The following METTL8 variants were observed in gnomAD, a reference collection of about 807,000 sequenced individuals.
METTL8 encodes tRNA N(3)-cytidine methyltransferase METTL8, mitochondrial.
In METTL8, 32 loss-of-function variants were observed where a neutral mutation model predicts 48.7. The observed-to-expected ratio is 0.66, with a 90% CI of 0.50 to 0.88. The LOEUF (loss-of-function observed/expected upper bound fraction) is 0.88. Among genes scored for constraint, METTL8 ranks in the 40% least tolerant of loss-of-function variants. The probability of loss-of-function intolerance (pLI) is 0.00; values close to 1 mark genes in which losing one functional copy is unlikely to be tolerated. For synonymous variants in METTL8, 136 were observed against 157.1 expected (o/e 0.87, Z 1.01); for missense variants, 464 against 474.4 (o/e 0.98, Z 0.20).
intron 2 of METTL8, among the ~76,000 whole-genome samples, chr2:171,386,665 T>C (rs1044726967): frequency 3.3e-5 from 5 of 151,844 alleles, no homozygotes; most frequent in African/African-American, 1.2e-4. Flanking sequence ...TCCCTTTAAA[T>C]GATACAGAAG....
At chr2:171,330,105 G>A (rs534339837) in intron 7 of METTL8, among the ~76,000 whole-genome samples, 6 of 152,300 alleles carry the variant, frequency 3.9e-5, no homozygotes, top group African/African-American at 1.4e-4. Context: ...TCCCTAGTGT[G>A]CTTCTTTAGA....
chr2:171,361,325 T>C (rs978480592), intron 2 of METTL8, among the ~76,000 whole-genome samples: 3 of 151,896 alleles, frequency 2.0e-5, no homozygotes, highest in African/African-American at 7.3e-5. Flanking sequence ...TAATTTTTTA[T>C]CACTAAACAA....
rs542771667 is a variant in METTL8 at position 171,352,883 on chromosome 2, C to T, written c.235+7539G>A. On this transcript the variant is annotated intron_variant, in intron 3 of 9. Transcript: ENST00000375258. ...TTTTCTTCTTTATTAGTCTTGCTAG[C>T]GGTCTATCAATTTTGTTGATCTTTT... Among the ~76,000 whole-genome samples, 45 of 152,086 alleles carry T rather than the reference C, an allele frequency of 3.0e-4. No homozygotes were observed. In the East Asian group the frequency reaches 4.1e-3, roughly 14 times the overall value.
intron 1 of METTL8, among the ~76,000 whole-genome samples, chr2:171,432,700 G>A (rs1003714747): frequency 6.6e-6 from 1 of 152,134 alleles, no homozygotes; most frequent in African/African-American, 2.4e-5. Flanking sequence ...AAATTCAGCA[G>A]GGTTAAAAAG....
In METTL8 at chr2:171,417,869, C is replaced by A. The variant is rs1416737474; in HGVS notation, c.-13+16014G>T. Among the ~76,000 whole-genome samples, 3 of 152,018 alleles carry A rather than the reference C, an allele frequency of 2.0e-5. No individual in the cohort carries two copies. The East Asian group carries it at 5.8e-4, about 29-fold the overall frequency. ...ACATTATTATAAACTTAAGTCCATA[C>A]TTTATTCAATTTCCTTAATTTTTAT... On this transcript the variant is annotated intron_variant, in intron 1 of 9. Coordinates refer to ENST00000375258, the MANE Select transcript of METTL8 (RefSeq NM_001321154.2).
chr2:171,369,843 G>T (rs549783409), intron 2 of METTL8, among the ~76,000 whole-genome samples: 1 of 151,946 alleles, frequency 6.6e-6, no homozygotes, highest in African/African-American at 2.4e-5. Context: ...CAAGGCGGGC[G>T]GATCATGAGG....
chr2:171,361,289 AG>A (rs1685143045), intron 2 of METTL8, among the ~76,000 whole-genome samples: 1 of 152,136 alleles, frequency 6.6e-6, no homozygotes, highest in South Asian at 2.1e-4. Flanking sequence ...CTATAAGCAA[AG>A]CAATTTCCTG....
chr2:171,398,044 G>A (rs1212033748), intron 1 of METTL8, among the ~76,000 whole-genome samples: 1 of 152,022 alleles, frequency 6.6e-6, no homozygotes, highest in Non-Finnish European at 1.5e-5. Flanking sequence ...CATTGCTATT[G>A]GAACATAAAA....
rs372728732 is a variant in METTL8, at chr2:171,357,726, G to T, written c.235+2696C>A. Among the ~76,000 whole-genome samples, 68 of 150,464 alleles carry T rather than the reference G, an allele frequency of 4.5e-4. 1 individual carries two copies. The East Asian group carries it at 0.011, about 25-fold the overall frequency. ...TTTTTTTTTTTTGAGACAGGTTCTC[G>T]CTCTGTCACCCAGTCTGGAGTGCAG... is the stretch of plus-strand genomic sequence containing the variant. On this transcript the variant is annotated intron_variant, in intron 3 of 9. Coordinates refer to ENST00000375258, the MANE Select transcript of METTL8 (RefSeq NM_001321154.2).
intron 2 of METTL8, among the ~76,000 whole-genome samples, chr2:171,370,840 C>T (rs1313340717): frequency 2.0e-5 from 3 of 151,968 alleles, no homozygotes; most frequent in Non-Finnish European, 2.9e-5. Context: ...AGATTAAGTA[C>T]TTTGAAGACT....
chr2:171,420,622 G>A (rs892306215), intron 1 of METTL8, among the ~76,000 whole-genome samples: 2 of 152,064 alleles, frequency 1.3e-5, no homozygotes, highest in Admixed American at 6.6e-5. Context: ...CCAAAAGCTC[G>A]CAAAAGTCCA....
At chr2:171,411,486 G>C (rs1287280226) in intron 1 of METTL8, among the ~76,000 whole-genome samples, 1 of 152,110 alleles carries the variant, frequency 6.6e-6, no homozygotes, top group African/African-American at 2.4e-5. Flanking sequence ...CAAAGCAAAT[G>C]GAACAGAATA....
intron 1 of METTL8, among the ~76,000 whole-genome samples, chr2:171,400,273 G>A (rs1335012788): frequency 6.6e-6 from 1 of 151,984 alleles, no homozygotes; most frequent in Non-Finnish European, 1.5e-5. Flanking sequence ...CTACCTTTTT[G>A]GATGTTTTTG....
At chr2:171,393,425 AGCATG>A (rs1688773060) in intron 1 of METTL8, among the ~76,000 whole-genome samples, 1 of 150,776 alleles carries the variant, frequency 6.6e-6, no homozygotes, top group Non-Finnish European at 1.5e-5. Context: ...AAAAAAAAAA[AGCATG>A]CTTATACCCT....
intron 3 of METTL8, 127 bp from the exon 4 acceptor site, chr2:171,339,681 T>C (rs893289814): frequency 1.3e-5 from 6 of 454,622 alleles, no homozygotes; most frequent in Non-Finnish European, 1.9e-5. Flanking sequence ...ATGAATAACT[T>C]TAATATTATA....
intron 5 of METTL8, among the ~76,000 whole-genome samples, chr2:171,336,241 G>A (rs549666447): frequency 1.3e-4 from 20 of 151,620 alleles, no homozygotes; most frequent in South Asian, 1.0e-3. Context: ...GATTACAGGC[G>A]CCCGCCACCA....
intron 2 of METTL8, among the ~76,000 whole-genome samples, chr2:171,362,092 G>C (rs1333185291): frequency 6.6e-6 from 1 of 152,196 alleles, no homozygotes; most frequent in East Asian, 1.9e-4. Context: ...GACAACTGCA[G>C]ATGAAGTTGG....
intron 5 of METTL8, 183 bp from the exon 6 acceptor site, chr2:171,332,050 T>G (rs1685593393): frequency 2.0e-6 from 1 of 495,402 alleles, no homozygotes; most frequent in African/African-American, 1.9e-5. Flanking sequence ...CATGCCCAGC[T>G]AATTTTAGAT....
intron 1 of METTL8, among the ~76,000 whole-genome samples, chr2:171,396,495 T>C (rs1689079328): frequency 6.6e-6 from 1 of 152,176 alleles, no homozygotes; most frequent in South Asian, 2.1e-4. Context: ...TATGGCATGC[T>C]GTGTATCTTT....
Sources: gnomAD v4.1 joint callset for allele counts (sites outside exome capture counted in the v4.1 genomes callset) on GRCh38, gnomAD v4.1.1 for gene constraint, MANE v1.5 for transcripts, NCBI Gene and HGNC (gene_info 2026-07-23, HGNC 2026-07-21) for gene names.